ATP9B: variants seen among roughly 807,000 people sequenced by gnomAD.
ATP9B encodes probable phospholipid-transporting ATPase IIB.
A neutral mutation model predicts 146.1 loss-of-function variants in ATP9B; 110 were observed. The observed-to-expected ratio is 0.75, with a 90% CI of 0.65 to 0.88. ATP9B has a LOEUF of 0.88. ATP9B is among the 40% of genes least tolerant of loss of function. The pLI is 0.00. For synonymous variants in ATP9B, 604 were observed against 569.7 expected (o/e 1.06, Z -0.86); for missense variants, 1,499 against 1,496.4 (o/e 1.00, Z -0.03).
Position 79,170,421 on chromosome 18 carries a change from A to C in ATP9B, c.779-6392A>C, listed in dbSNP as rs186946866. On this transcript the variant is annotated intron_variant, in intron 7 of 29. Coordinates refer to ENST00000426216, the MANE Select transcript of ATP9B (RefSeq NM_198531.5). ...TCCTGTAGTGCAATATTTAGAGGTT[A>C]AGTCCAGTTACTTGCATTATTTATC... is the stretch of plus-strand genomic sequence containing the variant. Among the ~76,000 whole-genome samples the C allele has an allele frequency of 6.0e-3, 919 of 151,970 alleles. 9 individuals carry two copies. Among genetic ancestry groups the C allele is most frequent in the African/African-American group, 0.021 (863 of 41,260 alleles).
chr18:79,314,243 C>T (rs1160096086), intron 15 of ATP9B, among the ~76,000 whole-genome samples: 1 of 152,112 alleles, frequency 6.6e-6, no homozygotes, highest in East Asian at 1.9e-4. Context: ...CTCTTAAAAC[C>T]CTGTTTGTGG....
chr18:79,184,930 T>C (rs1364338515), intron 8 of ATP9B, among the ~76,000 whole-genome samples: 1 of 151,400 alleles, frequency 6.6e-6, no homozygotes, highest in Non-Finnish European at 1.5e-5. Flanking sequence ...TTGCTAAGTG[T>C]AGTAGAAAAG....
chr18:79,279,791 T>G (rs1015336849), intron 13 of ATP9B, among the ~76,000 whole-genome samples: 2 of 152,238 alleles, frequency 1.3e-5, no homozygotes, highest in Non-Finnish European at 2.9e-5. Flanking sequence ...AATAAAGAGA[T>G]ATCATTTCTT....
intron 1 of ATP9B, among the ~76,000 whole-genome samples, chr18:79,077,001 T>G (rs2072698395): frequency 6.6e-6 from 1 of 152,366 alleles, no homozygotes; most frequent in East Asian, 1.9e-4. Flanking sequence ...CTTCTGAGAC[T>G]TTATATTTTT....
At chr18:79,268,735 G>T (rs530637666) in intron 12 of ATP9B, among the ~76,000 whole-genome samples, 2 of 152,208 alleles carry the variant, frequency 1.3e-5, no homozygotes, top group South Asian at 4.1e-4. Flanking sequence ...GTTTATCCAC[G>T]TTTCGGTTCG....
At chr18:79,258,663 C>G (rs1380046544) in intron 12 of ATP9B, among the ~76,000 whole-genome samples, 2 of 152,168 alleles carry the variant, frequency 1.3e-5, no homozygotes, top group Admixed American at 6.5e-5. Context: ...CTCTCTTGCT[C>G]TAGTTTTTCA....
At chr18:79,098,766 T>A (rs1599528385) in intron 2 of ATP9B, among the ~76,000 whole-genome samples, 1 of 152,222 alleles carries the variant, frequency 6.6e-6, no homozygotes, top group African/African-American at 2.4e-5. Context: ...TGTAGCCTTA[T>A]TTTCTCTAGT....
chr18:79,319,579 G>A (rs972318147), intron 15 of ATP9B, among the ~76,000 whole-genome samples: 3 of 152,084 alleles, frequency 2.0e-5, no homozygotes, highest in South Asian at 2.1e-4. Flanking sequence ...CCTTCCCTAC[G>A]TCTCCACTTA....
chr18:79,252,071 C>T (rs550804890), intron 11 of ATP9B, among the ~76,000 whole-genome samples: 4 of 152,326 alleles, frequency 2.6e-5, no homozygotes, highest in African/African-American at 4.8e-5. Context: ...ATGAGGAAAA[C>T]GAGGTCTAAC....
Position 79,287,485 on chromosome 18 carries a change from C to T in ATP9B, c.1411+10289C>T, listed in dbSNP as rs535220925. 1.8e-4 allele frequency among the ~76,000 whole-genome samples: 28 copies of T among 151,986 alleles called. 1 individual carries two copies. The highest frequency in any genetic ancestry group is 5.3e-4 in the African/African-American group (22 of 41,466). ...TGATATCCTCTATCATTTTTTATTG[C>T]GTCTATTTGATTCTTCTCTCTTTTC... On this transcript the variant is annotated intron_variant, in intron 13 of 29. Coordinates refer to ENST00000426216, the MANE Select transcript of ATP9B (RefSeq NM_198531.5).
intron 15 of ATP9B, among the ~76,000 whole-genome samples, chr18:79,314,406 A>G (rs1244873130): frequency 6.6e-6 from 1 of 152,194 alleles, no homozygotes. Context: ...CCTTACCTAC[A>G]CATGTGCATA....
chr18:79,212,441 C>T (rs1170016916), intron 10 of ATP9B, among the ~76,000 whole-genome samples: 1 of 152,224 alleles, frequency 6.6e-6, no homozygotes, highest in Non-Finnish European at 1.5e-5. Context: ...CTGCTTTCAG[C>T]TCAACGGTTT....
At chr18:79,114,873 A>C (rs1364191496) in intron 4 of ATP9B, 1 of 153,044 alleles carries the variant, frequency 6.5e-6, no homozygotes. Context: ...CCTGAAAACC[A>C]GATTCAGCAT....
At chr18:79,363,711 T>C (rs2097006410) in intron 26 of ATP9B, 1 of 152,228 alleles carries the variant, frequency 6.6e-6, no homozygotes, top group African/African-American at 2.4e-5. Context: ...CCCATATTCC[T>C]GGATTGAGAG....
chr18:79,132,380 T>C (rs1465298582), intron 5 of ATP9B, among the ~76,000 whole-genome samples: 1 of 152,226 alleles, frequency 6.6e-6, no homozygotes, highest in Non-Finnish European at 1.5e-5. Flanking sequence ...CGAGTTCTCA[T>C]ATCCAGCATC....
At chr18:79,214,365 C>T (rs2095609061) in intron 11 of ATP9B, among the ~76,000 whole-genome samples, 1 of 152,078 alleles carries the variant, frequency 6.6e-6, no homozygotes, top group Admixed American at 6.5e-5. Flanking sequence ...AATTTGCACT[C>T]TTTTATGTTG....
At chr18:79,329,369 G>A (rs1223848214) in intron 16 of ATP9B, 67 bp downstream of exon 16, 1 of 1,423,142 alleles carries the variant, frequency 7.0e-7, no homozygotes, top group Admixed American at 2.6e-5. Context: ...TTTAAACACA[G>A]ATTTTCCCAA....
chr18:79,317,413 A>C lies in ATP9B; in HGVS notation c.1773+10179A>C, dbSNP rs148007976. On this transcript the variant is annotated intron_variant, in intron 15 of 29. Coordinates refer to ENST00000426216, the MANE Select transcript of ATP9B (RefSeq NM_198531.5). ...CAGAATACTTACCTGATAAGTGACT[A>C]GTATGCTGAATATATAAAGAATTCT... Among the ~76,000 whole-genome samples the C allele has an allele frequency of 3.0e-3, 451 of 152,358 alleles. 1 individual carries two copies. The highest frequency in any genetic ancestry group is 0.01 in the Middle Eastern group (3 of 294).
intron 7 of ATP9B, among the ~76,000 whole-genome samples, chr18:79,171,452 T>C (rs1370637639): frequency 2.0e-5 from 3 of 152,232 alleles, no homozygotes; most frequent in Non-Finnish European, 2.9e-5. Flanking sequence ...TTAAAACTTA[T>C]TCCTAGAGTG....
Sources: allele counts gnomAD v4.1 joint callset (sites outside exome capture counted in the v4.1 genomes callset), GRCh38; gene constraint gnomAD v4.1.1; transcripts MANE v1.5; gene names NCBI Gene and HGNC (gene_info 2026-07-23, HGNC 2026-07-21).